Variants in UPF2 observed in about 807,000 individuals in gnomAD.
UPF2 encodes UPF2 regulator of nonsense mediated mRNA decay.
In UPF2, 17 loss-of-function variants were observed where a neutral mutation model predicts 141.4. That is an observed-to-expected ratio of 0.12 (90% CI 0.08 to 0.18). The LOEUF is 0.18. Ranked by LOEUF, UPF2 falls within the 10% of genes least tolerant of loss-of-function variation. UPF2 has a pLI of 1.00. For synonymous variants in UPF2, 540 were observed against 498.0 expected (o/e 1.08, Z -1.12); for missense variants, 1,152 against 1,515.9 (o/e 0.76, Z 3.99).
chr10:11,945,980 T>C (rs78645963), intron 16 of UPF2, among the ~76,000 whole-genome samples: 8,540 of 152,246 alleles, frequency 0.056, 324 homozygotes, highest in Non-Finnish European at 0.085. Flanking sequence ...AGCAATATAA[T>C]GTTCATCTAG....
rs1309254928 is a variant in UPF2, at chr10:11,920,659, C to T, written c.*639G>A. On this transcript the variant is annotated 3_prime_UTR_variant, in exon 22 of 22. Coordinates refer to ENST00000357604, the MANE Select transcript of UPF2 (RefSeq NM_015542.4). ...AATAGGCAATTTTATAGCACTGACT[C>T]TGATGGATAAAACGGATTTTTCTCC... is the stretch of plus-strand genomic sequence containing the variant. 1 of 242,320 alleles carries T rather than the reference C, an allele frequency of 4.1e-6. No homozygotes were observed. Among genetic ancestry groups the T allele is most frequent in the East Asian group, 1.0e-4 (1 of 9,872 alleles). The allele number at this position is 242,320 out of a possible 1,614,324, so 15.0% of individuals were successfully genotyped here.
chr10:12,023,927 G>A (rs1834363712), intron 3 of UPF2, among the ~76,000 whole-genome samples: 1 of 148,092 alleles, frequency 6.8e-6, no homozygotes, highest in Admixed American at 6.8e-5. Flanking sequence ...GGTGGAGGCT[G>A]CAGTGAGCAC....
intron 8 of UPF2, among the ~76,000 whole-genome samples, chr10:11,983,541 T>G (rs1588552227): frequency 6.6e-6 from 1 of 152,176 alleles, no homozygotes. Context: ...CCCAGCTAAT[T>G]TTTTGTATTT....
chr10:11,925,747 C>T (rs1045406864), intron 21 of UPF2, among the ~76,000 whole-genome samples: 1 of 152,138 alleles, frequency 6.6e-6, no homozygotes, highest in African/African-American at 2.4e-5. Context: ...GGAGACTGTT[C>T]CACACAGAGG....
intron 5 of UPF2, among the ~76,000 whole-genome samples, 154 bp from the exon 6 acceptor site, chr10:12,001,979 C>T (rs891233214): frequency 1.3e-5 from 2 of 152,102 alleles, no homozygotes; most frequent in Admixed American, 1.3e-4. Flanking sequence ...TTATAAAACA[C>T]ATTATGCTCG....
Position 11,998,844 on chromosome 10 carries a change from A to C in UPF2, c.1758+1062T>G, listed in dbSNP as rs1833906103. Among the ~76,000 whole-genome samples, 2 of 151,568 alleles carry C rather than the reference A, an allele frequency of 1.3e-5. No individual in the cohort carries two copies. The highest frequency in any genetic ancestry group is 1.3e-4 in the Admixed American group (2 of 15,192). On this transcript the variant is annotated intron_variant, in intron 7 of 21. Transcript: ENST00000357604. The surrounding 1 kb of genome is among the most constrained non-coding windows in gnomAD (Gnocchi z 4.5). The stretch of plus-strand genomic sequence containing the variant: ...ACTCCAGCCTGGGCAACAGAGCAAG[A>C]CTCCGTCTCAAAAAAATAAAAAATA...
At position 11,921,769 on chromosome 10, in the gene UPF2, G is replaced by C. The variant is rs1293912977; in HGVS notation, c.3810-462C>G. ...TCTCTACTGAGCTACAACTTAACCAGAGCCATTGGAGCAATGGCTGGAGGA... is the reference window on the plus strand; with the variant it reads ...TCTCTACTGAGCTACAACTTAACCACAGCCATTGGAGCAATGGCTGGAGGA... On this transcript the variant is annotated intron_variant, in intron 21 of 21. Transcript: ENST00000357604. This position sits in a 1 kb window ranked among gnomAD's most constrained non-coding sequence, Gnocchi z 5.9. Among the ~76,000 whole-genome samples, 1 of 152,152 alleles carries C rather than the reference G, an allele frequency of 6.6e-6. No homozygotes were observed. The highest frequency in any genetic ancestry group is 1.5e-5 in the Non-Finnish European group (1 of 68,030).
In UPF2 at chr10:11,990,785, G is replaced by A. The variant is rs540227981; in HGVS notation, c.1844+6887C>T. On this transcript the variant is annotated intron_variant, in intron 8 of 21. Transcript: ENST00000357604. ...TGGCAGATCACTAGGTCAGGAGATC[G>A]AGACCATCCTGGCTAACATGGTGAA... Among the ~76,000 whole-genome samples the A allele has an allele frequency of 4.6e-5, 7 of 151,570 alleles. No homozygotes were observed. The East Asian group carries it at 5.8e-4, about 13-fold the overall frequency.
chr10:11,971,853 C>T (rs533071763), intron 9 of UPF2, among the ~76,000 whole-genome samples: 66 of 152,164 alleles, frequency 4.3e-4, no homozygotes, highest in African/African-American at 1.4e-3. Context: ...CACTTAAGGT[C>T]AGGAGTTTGA....
At chr10:12,002,949 C>T (rs977440228) in intron 5 of UPF2, among the ~76,000 whole-genome samples, 5 of 152,138 alleles carry the variant, frequency 3.3e-5, no homozygotes, top group African/African-American at 9.7e-5. Context: ...CTCTTATAGT[C>T]TCTAATCTCC....
Position 11,959,045 on chromosome 10 carries a change from T to C in UPF2, c.2370+126A>G, listed in dbSNP as rs1437163873. ...TCATCATAAGAATTCCTTCTTAGGG[T>C]GACTTACACAGAGCTGATTATAAAG... On this transcript the variant is annotated intron_variant, in intron 12 of 21. Coordinates refer to ENST00000357604, the MANE Select transcript of UPF2 (RefSeq NM_015542.4). This position sits in a 1 kb window ranked among gnomAD's most constrained non-coding sequence, Gnocchi z 5.9. 5 of 756,454 alleles carry C rather than the reference T, an allele frequency of 6.6e-6. No homozygotes were observed. The Admixed American group carries it at 1.8e-4, about 27-fold the overall frequency. The allele number at this position is 756,454 out of a possible 1,614,324, so 46.9% of individuals were successfully genotyped here. A position where few individuals can be genotyped will look rare whatever the true frequency, so the allele number is the denominator to read the frequency against.
chr10:12,037,296 G>C (rs1025983962), intron 1 of UPF2, among the ~76,000 whole-genome samples: 11 of 152,052 alleles, frequency 7.2e-5, no homozygotes, highest in Non-Finnish European at 1.5e-5. Flanking sequence ...TGACTAGGCT[G>C]GTCTCGAAAT....
chr10:12,001,627 T>A (rs746711069), intron 6 of UPF2, 49 bp downstream of exon 6: 8 of 1,519,940 alleles, frequency 5.3e-6, no homozygotes, highest in Admixed American at 2.1e-5. Flanking sequence ...GCAAGAGCTC[T>A]GTGTGTAAAA....
chr10:11,924,841 T>C (rs898259975), intron 21 of UPF2, among the ~76,000 whole-genome samples: 4 of 152,178 alleles, frequency 2.6e-5, no homozygotes, highest in Non-Finnish European at 2.9e-5. Flanking sequence ...TTTTTTTTAA[T>C]AGAGTTTCGC....
intron 8 of UPF2, among the ~76,000 whole-genome samples, chr10:11,997,412 ATTCTTC>A (rs1009041843): frequency 6.6e-6 from 1 of 152,076 alleles, no homozygotes; most frequent in Non-Finnish European, 1.5e-5. Context: ...GCTTCTAGCA[ATTCTTC>A]TTCTTCTTCT....
chr10:11,988,518 C>T (rs1054147454), intron 8 of UPF2, among the ~76,000 whole-genome samples: 1 of 152,132 alleles, frequency 6.6e-6, no homozygotes, highest in African/African-American at 2.4e-5. Context: ...TTGTCTAGGC[C>T]GGTCTCAGAC....
Position 11,936,666 on chromosome 10 carries a change from A to G in UPF2, c.3425T>C (p.Ile1142Thr). 1 of 1,613,170 alleles carries G rather than the reference A, an allele frequency of 6.2e-7. No homozygotes were observed. Among genetic ancestry groups the G allele is most frequent in the Non-Finnish European group, 8.5e-7 (1 of 1,179,624 alleles). ...SVKVHQLDVAIPLHLKSQLRK... is the reference protein window; with the variant it reads ...SVKVHQLDVATPLHLKSQLRK... ...CAGCTGGCTTTTGAGATGCAAAGGA[A>G]TGGCAACATCTAGTTGGTGCACTTT... is the stretch of plus-strand genomic sequence containing the variant. The change falls in exon 19 of 22, where the codon ATT becomes ACT. Residue 1142 changes from isoleucine (I) to threonine (T), a missense_variant. By Grantham distance (89) the Ile-to-Thr change is moderately conservative (BLOSUM62 -1). Coordinates refer to ENST00000357604, the MANE Select transcript of UPF2 (RefSeq NM_015542.4). This position sits in a 1 kb window ranked among gnomAD's most constrained non-coding sequence, Gnocchi z 6.6.
Position 12,035,217 on chromosome 10 carries a change from G to T in UPF2, c.207C>A (p.Asp69Glu). 1.2e-6 allele frequency: 2 copies of T among 1,611,726 alleles called. No homozygotes were observed. The highest frequency in any genetic ancestry group is 8.5e-7 in the Non-Finnish European group (1 of 1,179,486). ...CTTCGTCTTTTTTCTTGCGTTCCTT[G>T]TCTTCCTTTTTTCTCTTATCATCTT... ...RLEDDKRKKE[D>E]KERKKKDEEK... The change falls in exon 2 of 22, where the codon GAC becomes GAA. Residue 69 changes from aspartate to glutamate, a missense_variant. Physicochemically the swap from Asp to Glu is conservative, Grantham distance 45. Around this residue, in one of 4 missense-constraint regions of UPF2, gnomAD observed 145 missense variants for 136.5 expected, o/e 1.06. Transcript: ENST00000357604.
At chr10:12,015,434 A>T (rs1176927495) in intron 3 of UPF2, among the ~76,000 whole-genome samples, 2 of 152,170 alleles carry the variant, frequency 1.3e-5, no homozygotes, top group Non-Finnish European at 2.9e-5. Flanking sequence ...AGGCATGGTG[A>T]CTCACGCCTA....
Sources: gnomAD v4.1 joint callset for allele counts (sites outside exome capture counted in the v4.1 genomes callset) on GRCh38, gnomAD v4.1.1 for gene constraint, gnomAD v4.1.1 regional missense constraint, Gnocchi (gnomAD v3.1) non-coding constraint, MANE v1.5 for transcripts, NCBI Gene and HGNC (gene_info 2026-07-23, HGNC 2026-07-21) for gene names.